Variants in JAKMIP3 observed in about 807,000 individuals in gnomAD.
JAKMIP3 encodes janus kinase and microtubule-interacting protein 3.
A neutral mutation model predicts 118.5 loss-of-function variants in JAKMIP3; 58 were observed. That is an observed-to-expected ratio of 0.49 (90% CI 0.40 to 0.61). The LOEUF is 0.61. Ranked by LOEUF, JAKMIP3 falls within the 20% of genes least tolerant of loss-of-function variation. JAKMIP3 has a pLI of 0.00. For missense variants in JAKMIP3, 950 were observed against 1,109.0 expected, an observed-to-expected ratio of 0.86 and a Z score of 2.04; for synonymous variants, 486 against 451.2, an observed-to-expected ratio of 1.08 and a Z score of -0.98.
At chr10:132,054,786 C>T (rs2038194324) in intron 1 of JAKMIP3, among the ~76,000 whole-genome samples, 1 of 152,212 alleles carries the variant, frequency 6.6e-6, no homozygotes, top group Non-Finnish European at 1.5e-5. Flanking sequence ...GGCTCGGGGA[C>T]AGCTGCCCAC....
At chr10:132,067,004 T>C (rs1227157687) in intron 1 of JAKMIP3, among the ~76,000 whole-genome samples, 1 of 152,098 alleles carries the variant, frequency 6.6e-6, no homozygotes, top group African/African-American at 2.4e-5. Context: ...AAGCCAAGCC[T>C]GGAGTAGTAG....
chr10:132,039,947 T>C (rs2037668820), intron 1 of JAKMIP3, among the ~76,000 whole-genome samples: 1 of 152,128 alleles, frequency 6.6e-6, no homozygotes, highest in Admixed American at 6.5e-5. Context: ...TCGTGCTTCT[T>C]TGTTTTGTTT....
intron 1 of JAKMIP3, among the ~76,000 whole-genome samples, chr10:132,056,262 T>C (rs2038233672): frequency 6.6e-6 from 1 of 152,296 alleles, no homozygotes; most frequent in African/African-American, 2.4e-5. Flanking sequence ...GTAAAGCTTG[T>C]CCGTGGCCTG....
intron 19 of JAKMIP3, among the ~76,000 whole-genome samples, chr10:132,159,615 T>TG (rs1314574828): frequency 1.7e-4 from 13 of 75,142 alleles, no homozygotes; most frequent in South Asian, 5.3e-4. Flanking sequence ...TATGTGATGC[T>TG]GGGGGTCCTC....
In JAKMIP3 at chr10:132,104,782, G is replaced by C; in HGVS notation, c.-27G>C. 6.5e-7 allele frequency: 1 copy of C among 1,545,350 alleles called. No homozygotes were observed. The highest frequency in any genetic ancestry group is 2.5e-5 in the East Asian group (1 of 40,804). On this transcript the variant is annotated 5_prime_UTR_variant, in exon 2 of 24. Coordinates refer to ENST00000684848, the MANE Select transcript of JAKMIP3 (RefSeq NM_001323087.2). ...CCCAGCCGGAGCACCCTACCCCTGG[G>C]CATCCCCCTGGCCATCCAGCCTCAC...
At chr10:132,127,661 C>T (rs1408324100) in intron 3 of JAKMIP3, among the ~76,000 whole-genome samples, 1 of 151,936 alleles carries the variant, frequency 6.6e-6, no homozygotes, top group Non-Finnish European at 1.5e-5. Context: ...TTACTCTCAT[C>T]CCCCTGTTCC....
intron 3 of JAKMIP3, among the ~76,000 whole-genome samples, chr10:132,122,913 G>A (rs1475563049): frequency 6.6e-6 from 1 of 152,194 alleles, no homozygotes; most frequent in Non-Finnish European, 1.5e-5. Flanking sequence ...CTTGGCTAGG[G>A]AACTCAGGAA....
chr10:132,071,160 AGTGTGT>A (rs3068079), intron 1 of JAKMIP3, among the ~76,000 whole-genome samples: 2,217 of 149,150 alleles, frequency 0.015, 31 homozygotes, highest in Middle Eastern at 0.028. Context: ...GTCATTTAAA[AGTGTGT>A]GTGTGTGTGT....
chr10:132,124,355 A>C (rs1024785942), intron 3 of JAKMIP3, among the ~76,000 whole-genome samples: 1,625 of 131,868 alleles, frequency 0.012, 17 homozygotes, highest in Middle Eastern at 0.026. Context: ...ACGTGATCAC[A>C]CGTCCCACCC....
intron 1 of JAKMIP3, among the ~76,000 whole-genome samples, chr10:132,050,570 G>T (rs539075450): frequency 6.6e-6 from 1 of 152,244 alleles, no homozygotes; most frequent in African/African-American, 2.4e-5. Context: ...TCATGCCAAG[G>T]GTGTAGTTTG....
intron 3 of JAKMIP3, among the ~76,000 whole-genome samples, chr10:132,121,602 G>A (rs117258311): frequency 0.019 from 2,843 of 152,314 alleles, 37 homozygotes; most frequent in Non-Finnish European, 0.031. Flanking sequence ...CTCGAGAGCT[G>A]TCCCATGATG....
intron 3 of JAKMIP3, among the ~76,000 whole-genome samples, chr10:132,127,224 C>CTTTTTTTTTTTTTTT (rs11354978): frequency 7.8e-6 from 1 of 129,022 alleles, no homozygotes; most frequent in Non-Finnish European, 1.7e-5. Context: ...TTAGACTTTT[C>CTTTTTTTTTTTTTTT]TTTTTTTTTT....
intron 3 of JAKMIP3, among the ~76,000 whole-genome samples, chr10:132,128,551 C>T (rs1197093638): frequency 1.3e-5 from 2 of 152,174 alleles, no homozygotes; most frequent in Non-Finnish European, 2.9e-5. Context: ...GACACTTTGA[C>T]TATACCTTAC....
chr10:132,147,365 C>T (rs1267023506), intron 13 of JAKMIP3, among the ~76,000 whole-genome samples: 1 of 152,210 alleles, frequency 6.6e-6, no homozygotes, highest in African/African-American at 2.4e-5. Flanking sequence ...TGGGCCGTGT[C>T]ACTTGACCCT....
chr10:132,153,071 T>A, intron 17 of JAKMIP3, 48 bp downstream of exon 17: 1 of 1,448,394 alleles, frequency 6.9e-7, no homozygotes, highest in Non-Finnish European at 9.6e-7. Context: ...GCTCCTGGGG[T>A]CTCCTGCCCT....
intron 1 of JAKMIP3, among the ~76,000 whole-genome samples, chr10:132,082,813 G>C (rs1158272440): frequency 1.3e-5 from 2 of 152,160 alleles, no homozygotes; most frequent in Non-Finnish European, 2.9e-5. Context: ...GTTTCACCAT[G>C]TTGGCCAGGA....
upstream of JAKMIP3, among the ~76,000 whole-genome samples, chr10:132,062,930 G>C (rs1195532865): frequency 6.6e-6 from 1 of 152,212 alleles, no homozygotes; most frequent in African/African-American, 2.4e-5. Flanking sequence ...CTGGTGAATG[G>C]CTGTGTCAGG....
At chr10:132,128,049 CT>C (rs1236188699) in intron 3 of JAKMIP3, among the ~76,000 whole-genome samples, 1 of 152,156 alleles carries the variant, frequency 6.6e-6, no homozygotes, top group Non-Finnish European at 1.5e-5. Context: ...TATCTGCAGT[CT>C]TTTCCCTTCG....
At chr10:132,061,184 CCG>C, upstream of JAKMIP3, among the ~76,000 whole-genome samples, 1 of 118,328 alleles carries the variant, frequency 8.5e-6, no homozygotes, top group Non-Finnish European at 2.0e-5. Context: ...CACACACCTG[CCG>C]TGACGGCGCA....
Sources: allele counts gnomAD v4.1 joint callset (sites outside exome capture counted in the v4.1 genomes callset), GRCh38; gene constraint gnomAD v4.1.1; transcripts MANE v1.5; gene names NCBI Gene and HGNC (gene_info 2026-07-23, HGNC 2026-07-21).